PNPLA6: variants seen among roughly 807,000 people sequenced by gnomAD.
PNPLA6 encodes patatin like domain 6, lysophospholipase.
In PNPLA6, 105 loss-of-function variants were observed where a neutral mutation model predicts 153.7. The ratio of observed to expected loss-of-function variants is 0.68; its 90% CI spans 0.58 to 0.80. The LOEUF (loss-of-function observed/expected upper bound fraction) is 0.80, where lower values mean the gene tolerates loss of function less well. Among genes scored for constraint, PNPLA6 ranks in the 30% least tolerant of loss-of-function variants. The probability of loss-of-function intolerance (pLI) is 0.00; values close to 1 mark genes in which losing one functional copy is unlikely to be tolerated. For synonymous variants in PNPLA6, 825 were observed against 822.2 expected, an observed-to-expected ratio of 1.00 and a Z score of -0.06; for missense variants, 1,423 against 1,919.3, an observed-to-expected ratio of 0.74 and a Z score of 4.83.
rs374297942 is a variant in PNPLA6, at chr19:7,543,071, G to T, written c.1595G>T (p.Arg532Leu). 1.2e-6 allele frequency: 2 copies of T among 1,613,804 alleles called. No individual in the cohort carries two copies. Among genetic ancestry groups the T allele is most frequent in the Non-Finnish European group, 1.7e-6 (2 of 1,179,942 alleles). The change falls in exon 13 of 32, where the codon CGC becomes CTC. Residue 532 changes from arginine (R) to leucine (L), a missense_variant. Transcript: ENST00000600737. ...HHAKAGTIIARQGDQDVSLHF... is the reference protein window; with the variant it reads ...HHAKAGTIIALQGDQDVSLHF... ...GCCAAAGCTGGCACCATCATTGCCC[G>T]CCAGGGAGACCAGGTGAGGCTGACC... is the stretch of plus-strand genomic sequence containing the variant.
rs576245088 is a variant in PNPLA6 at position 7,544,059 on chromosome 19, C to T, written c.1608+975C>T. ...CGATCTCCTGACCTCGTGATCCGCC[C>T]GCCTAGGCCTTCCAAAGTGCTGGGA... is the stretch of plus-strand genomic sequence containing the variant. On this transcript the variant is annotated intron_variant, in intron 13 of 31. Coordinates refer to ENST00000600737, the MANE Select transcript of PNPLA6 (RefSeq NM_001166114.2). Among the ~76,000 whole-genome samples the T allele has an allele frequency of 3.3e-5, 5 of 151,606 alleles. No homozygotes were observed. In the South Asian group the frequency reaches 8.3e-4, roughly 25 times the overall value.
intron 26 of PNPLA6, 26 bp from the exon 27 acceptor site, chr19:7,557,142 T>C: frequency 1.3e-6 from 2 of 1,545,616 alleles, no homozygotes; most frequent in Non-Finnish European, 8.9e-7. Flanking sequence ...CTGTGCGTGT[T>C]TGTGTCTGTG....
In PNPLA6 at chr19:7,555,285, G is replaced by A. The variant is rs10411650; in HGVS notation, c.2854G>A (p.Asp952Asn). Residue 952 changes from aspartate to asparagine, a missense_variant, in exon 23 of 32, where the codon GAC becomes AAC. Physicochemically the swap from Asp to Asn is conservative, Grantham distance 23 (BLOSUM62 1). Around this residue, in one of 10 missense-constraint regions of PNPLA6, gnomAD observed 643 missense variants for 835.2 expected, o/e 0.77. Transcript: ENST00000600737. This position sits in a 1 kb window ranked among gnomAD's most constrained non-coding sequence, Gnocchi z 6.3. The stretch of plus-strand genomic sequence containing the variant: ...CGAGAAGGTTTTCTCCAGGCGCGCG[G>A]ACCGGCACAGCGACTTCTCCCGCTT... Reference protein sequence around the residue: ...LYEKVFSRRADRHSDFSRLAR... With the variant: ...LYEKVFSRRANRHSDFSRLAR... 2 of 1,595,132 alleles carry A rather than the reference G, an allele frequency of 1.3e-6. No homozygotes were observed. Among genetic ancestry groups the A allele is most frequent in the African/African-American group, 1.3e-5 (1 of 74,784 alleles).
chr19:7,557,357 C>A, intron 27 of PNPLA6, 73 bp downstream of exon 27: 2 of 954,910 alleles, frequency 2.1e-6, no homozygotes, highest in East Asian at 2.4e-5. Context: ...CGTGGGCACA[C>A]ACAGACAGGC....
At chr19:7,542,520 C>G in intron 10 of PNPLA6, 41 bp from the exon 11 acceptor site, 1 of 1,469,538 alleles carries the variant, frequency 6.8e-7, no homozygotes, top group Middle Eastern at 1.7e-4. Context: ...AAATCTTACT[C>G]TCATCTTTAT....
At chr19:7,549,136 A>G (rs908331247) in intron 13 of PNPLA6, among the ~76,000 whole-genome samples, 2 of 150,264 alleles carry the variant, frequency 1.3e-5, no homozygotes, top group Middle Eastern at 3.3e-3. Context: ...ATATTTATAT[A>G]TAGATGGTGC....
Position 7,557,207 on chromosome 19 carries a change from C to T in PNPLA6, c.3320C>T (p.Ser1107Leu). The T allele has an allele frequency of 1.2e-6, 2 of 1,607,442 alleles. No individual in the cohort carries two copies. Among genetic ancestry groups the T allele is most frequent in the Non-Finnish European group, 1.7e-6 (2 of 1,177,724 alleles). The change falls in exon 27 of 32, where the codon TCG (serine) becomes TTG (leucine). Residue 1107 changes from serine (S) to leucine (L), a missense_variant. Ser to Leu is a moderately radical substitution (Grantham distance 145). This residue lies in a region of PNPLA6 where 643 missense variants were observed against 835.2 expected (regional missense o/e 0.77). Transcript: ENST00000600737. ...WRYVRASMTLSGYLPPLCDPK... is the reference protein window; with the variant it reads ...WRYVRASMTLLGYLPPLCDPK... ...TACGTGCGCGCCAGCATGACGCTGT[C>T]GGGCTACCTGCCCCCGCTGTGCGAC...
intron 3 of PNPLA6, among the ~76,000 whole-genome samples, chr19:7,539,381 A>T (rs1457151473): frequency 6.6e-6 from 1 of 151,958 alleles, no homozygotes; most frequent in Non-Finnish European, 1.5e-5. Context: ...TGGGAGGCCG[A>T]GGCAGGAGAA....
intron 3 of PNPLA6, among the ~76,000 whole-genome samples, chr19:7,537,005 T>C (rs2022907810): frequency 6.7e-6 from 1 of 148,488 alleles, no homozygotes; most frequent in Non-Finnish European, 1.5e-5. Context: ...CTCTGGACTC[T>C]CCTCTCAGAG....
chr19:7,557,169 C>T lies in PNPLA6; in HGVS notation c.3282C>T (p.Gly1094=), dbSNP rs752528485. ...GTGTCTGTGTGTCCCACCGCGCAGGCTCCCTGTGGCGGTACGTGCGCGCCA... is the reference window on the plus strand; with the variant it reads ...GTGTCTGTGTGTCCCACCGCGCAGGTTCCCTGTGGCGGTACGTGCGCGCCA... The part of the protein sequence containing the change: ...TASAMRVHKD[G]SLWRYVRASM... Residue 1094 remains glycine, a splice_region_variant and synonymous_variant, in exon 27 of 32, where the codon GGC becomes GGT. Transcript: ENST00000600737. 1.6e-5 allele frequency: 26 copies of T among 1,609,150 alleles called. No homozygotes were observed. Among genetic ancestry groups the T allele is most frequent in the Non-Finnish European group, 2.2e-5 (26 of 1,176,786 alleles).
chr19:7,537,900 A>G (rs2022951545), intron 3 of PNPLA6, among the ~76,000 whole-genome samples: 2 of 152,076 alleles, frequency 1.3e-5, no homozygotes, highest in Admixed American at 1.3e-4. Context: ...TCGGCCTCCT[A>G]AAGTGCTGGG....
chr19:7,560,956 C>A (rs1330480478), intron 29 of PNPLA6, 58 bp from the exon 30 acceptor site: 1 of 1,099,152 alleles, frequency 9.1e-7, no homozygotes, highest in South Asian at 1.3e-5. Context: ...CTGGGCCCCC[C>A]AGGGGCCCCA....
At chr19:7,560,583 G>A in intron 28 of PNPLA6, 65 bp from the exon 29 acceptor site, 1 of 1,090,352 alleles carries the variant, frequency 9.2e-7, no homozygotes, top group Non-Finnish European at 1.4e-6. Flanking sequence ...CAGAGAATGG[G>A]CAGACAGAGT....
In PNPLA6 at chr19:7,540,303, G is replaced by A; in HGVS notation, c.709G>A (p.Gly237Arg). 6.2e-7 allele frequency: 1 copy of A among 1,604,436 alleles called. No homozygotes were observed. The highest frequency in any genetic ancestry group is 8.5e-7 in the Non-Finnish European group (1 of 1,177,762). The change falls in exon 5 of 32, where the codon GGG becomes AGG. Residue 237 changes from glycine (G) to arginine (R), a missense_variant. Around this residue, in one of 10 missense-constraint regions of PNPLA6, gnomAD observed 118 missense variants for 158.8 expected, o/e 0.74. Transcript: ENST00000600737. The surrounding 1 kb of genome is among the most constrained non-coding windows in gnomAD (Gnocchi z 6.8). ...CGGGCTGCTGGAGCTCTGTCTGCCA[G>A]GGCCTGTGAGTGGGCCTCCCCAGGG... Reference protein sequence around the residue: ...QDGLLELCLPGPDGKECVVKE... With the variant: ...QDGLLELCLPRPDGKECVVKE...
rs2024006500 is a variant in PNPLA6 at position 7,559,161 on chromosome 19, C to A, written c.3699+10C>A. The A allele has an allele frequency of 1.2e-6, 2 of 1,612,766 alleles. No homozygotes were observed. Among genetic ancestry groups the A allele is most frequent in the Non-Finnish European group, 1.7e-6 (2 of 1,178,788 alleles). On this transcript the variant is annotated intron_variant, in intron 28 of 31. Transcript: ENST00000600737. ...GTTCGACCAGATCTATGTGAGTGGG[C>A]AGGAGTGGCATGGTGCCTGCATAGG...
chr19:7,541,626 C>T lies in PNPLA6; in HGVS notation c.1110C>T (p.Pro370=). The change falls in exon 9 of 32, where the codon CCC becomes CCT. Residue 370 remains proline (P), a synonymous_variant. Transcript: ENST00000600737. This position sits in a 1 kb window ranked among gnomAD's most constrained non-coding sequence, Gnocchi z 5.2. ...TCAGCACCTCAGCTACAGACGAGCC[C>T]AGGGAGACCCCAGGGCGGCCACCCG... The part of the protein sequence containing the change: ...RMVSTSATDE[P]RETPGRPPDP... 1 of 1,589,512 alleles carries T rather than the reference C, an allele frequency of 6.3e-7. No homozygotes were observed. Among genetic ancestry groups the T allele is most frequent in the South Asian group, 1.1e-5 (1 of 88,068 alleles).
At chr19:7,547,818 T>TAA (rs2023451309) in intron 13 of PNPLA6, among the ~76,000 whole-genome samples, 1 of 6,688 alleles carries the variant, frequency 1.5e-4, no homozygotes, top group East Asian at 1.2e-3. Context: ...AAAATTTTTT[T>TAA]TTTTTTTTTT....
chr19:7,550,350 G>A lies in PNPLA6; in HGVS notation c.1867G>A (p.Ala623Thr), dbSNP rs2146087711. The A allele has an allele frequency of 3.1e-6, 5 of 1,612,506 alleles. No homozygotes were observed. Among genetic ancestry groups the A allele is most frequent in the Non-Finnish European group, 4.2e-6 (5 of 1,180,032 alleles). ...GCTGAGTGCGGCGCACACGGTGGCA[G>A]CCAGGATGTCGCCCTTCGTGCGCCA... is the stretch of plus-strand genomic sequence containing the variant. ...VVLSAAHTVA[A>T]RMSPFVRQMD... is the part of the protein sequence containing the mutation. The change falls in exon 15 of 32, where the codon GCC becomes ACC. Residue 623 changes from alanine (A) to threonine (T), a missense_variant. By Grantham distance (58) the Ala-to-Thr change is moderately conservative. Transcript: ENST00000600737.
rs2023816281 is a variant in PNPLA6, at chr19:7,555,137, TG to T, written c.2817+66del. Reference sequence around the variant, plus strand: ...GGCTGGTGGGCGAGGCTTGGGAGACTGGGGCGGGGCCTGGGAGGGCTGAGGA... The same window carrying T: ...GGCTGGTGGGCGAGGCTTGGGAGACTGGGCGGGGCCTGGGAGGGCTGAGGA... On this transcript the variant is annotated intron_variant, in intron 22 of 31. Coordinates refer to ENST00000600737, the MANE Select transcript of PNPLA6 (RefSeq NM_001166114.2). The surrounding 1 kb of genome is among the most constrained non-coding windows in gnomAD (Gnocchi z 6.3). 3.9e-6 allele frequency: 6 copies of T among 1,557,152 alleles called. No individual in the cohort carries two copies. The highest frequency in any genetic ancestry group is 5.2e-6 in the Non-Finnish European group (6 of 1,154,680).
Sources: gnomAD v4.1 joint callset for allele counts (sites outside exome capture counted in the v4.1 genomes callset) on GRCh38, gnomAD v4.1.1 for gene constraint, gnomAD v4.1.1 regional missense constraint, Gnocchi (gnomAD v3.1) non-coding constraint, MANE v1.5 for transcripts, NCBI Gene and HGNC (gene_info 2026-07-23, HGNC 2026-07-21) for gene names.